Variants in PKNOX2 observed in about 807,000 individuals in gnomAD.
PKNOX2 encodes the protein PBX/knotted 1 homeobox 2.
PKNOX2 carries 14 observed loss-of-function variants against 53.1 expected under a neutral mutation model. That is an observed-to-expected ratio of 0.26 (90% confidence interval 0.17 to 0.41). The LOEUF (loss-of-function observed/expected upper bound fraction) is 0.41, where lower values mean the gene tolerates loss of function less well. PKNOX2 is among the 10% of genes least tolerant of loss of function. The pLI is 1.00. For synonymous variants in PKNOX2, 257 were observed against 242.8 expected (o/e 1.06, Z -0.54); for missense variants, 496 against 602.8 (o/e 0.82, Z 1.85).
At chr11:125,314,277 G>A (rs1189520285) in intron 2 of PKNOX2, among the ~76,000 whole-genome samples, 7 of 152,122 alleles carry the variant, frequency 4.6e-5, no homozygotes, top group South Asian at 2.1e-4. Flanking sequence ...CCTGCAGTGC[G>A]GTGCCCTCAC....
intron 7 of PKNOX2, among the ~76,000 whole-genome samples, chr11:125,404,395 C>T (rs1018766373): frequency 4.6e-5 from 7 of 152,208 alleles, no homozygotes; most frequent in African/African-American, 1.7e-4. Context: ...CTGCCTTTCC[C>T]TTGAGACCAA....
intron 2 of PKNOX2, among the ~76,000 whole-genome samples, chr11:125,329,019 G>T (rs1442812261): frequency 6.6e-6 from 1 of 152,176 alleles, no homozygotes; most frequent in Non-Finnish European, 1.5e-5. Flanking sequence ...CTAAGAAAAT[G>T]ATCAAGTCTG....
intron 2 of PKNOX2, among the ~76,000 whole-genome samples, chr11:125,274,280 C>T (rs1946012041): frequency 6.6e-6 from 1 of 152,146 alleles, no homozygotes; most frequent in South Asian, 2.1e-4. Flanking sequence ...CTAACCACTG[C>T]ACCACACATA....
intron 10 of PKNOX2, among the ~76,000 whole-genome samples, chr11:125,421,611 C>G (rs1956178268): frequency 6.6e-6 from 1 of 152,180 alleles, no homozygotes; most frequent in African/African-American, 2.4e-5. Flanking sequence ...ATAGGATTGA[C>G]AATATGTTAG....
At position 125,431,813 on chromosome 11, in the gene PKNOX2, G is replaced by T. The variant is rs969083485; in HGVS notation, c.*421G>T. 3 of 173,088 alleles carry T rather than the reference G, an allele frequency of 1.7e-5. No individual in the cohort carries two copies. Among genetic ancestry groups the T allele is most frequent in the Admixed American group, 1.7e-4 (3 of 17,826 alleles). 10.7% of individuals were successfully genotyped at this position (173,088 alleles called of 1,614,324 possible). On this transcript the variant is annotated 3_prime_UTR_variant, in exon 13 of 13. Coordinates refer to ENST00000298282, the MANE Select transcript of PKNOX2 (RefSeq NM_001382323.2). ...CCGGGGGCAGACTTAGAAGGAAGGG[G>T]AGAGACAAAGGGGGACTGAGTTTCA...
chr11:125,359,185 G>A (rs773109460), intron 4 of PKNOX2, among the ~76,000 whole-genome samples: 2 of 150,398 alleles, frequency 1.3e-5, no homozygotes, highest in African/African-American at 2.5e-5. Context: ...AAGGGTAGGT[G>A]TGAGGCGATA....
intron 2 of PKNOX2, among the ~76,000 whole-genome samples, chr11:125,286,254 A>G (rs1269495220): frequency 6.6e-6 from 1 of 152,204 alleles, no homozygotes; most frequent in Non-Finnish European, 1.5e-5. Context: ...AACTAAAGGA[A>G]ATAAGAGGGC....
rs372537810 is a variant in PKNOX2, at chr11:125,353,641, G to A, written c.87+2249G>A. 5.3e-5 allele frequency among the ~76,000 whole-genome samples: 8 copies of A among 152,318 alleles called. No individual in the cohort carries two copies. The East Asian group carries it at 1.3e-3, about 26-fold the overall frequency. On this transcript the variant is annotated intron_variant, in intron 4 of 12. Transcript: ENST00000298282. The stretch of plus-strand genomic sequence containing the variant: ...CGAAGGCTCTCCTCTCTGAGGATCC[G>A]CCAGAATGTCACCATTTAAAATCTT...
At chr11:125,415,100 A>G (rs553861437) in intron 10 of PKNOX2, among the ~76,000 whole-genome samples, 37 of 152,242 alleles carry the variant, frequency 2.4e-4, no homozygotes, top group East Asian at 9.6e-4. Context: ...AGGATCATAC[A>G]TTATATTCCT....
At chr11:125,427,539 G>A (rs1019667999) in intron 10 of PKNOX2, among the ~76,000 whole-genome samples, 4 of 152,082 alleles carry the variant, frequency 2.6e-5, no homozygotes, top group Non-Finnish European at 5.9e-5. Context: ...AAGAGTATTC[G>A]TACCTTTTAT....
chr11:125,321,336 C>T (rs925761459), intron 2 of PKNOX2, among the ~76,000 whole-genome samples: 2 of 152,146 alleles, frequency 1.3e-5, no homozygotes, highest in African/African-American at 4.8e-5. Context: ...ACCACAGATA[C>T]GAAAATTCAC....
intron 1 of PKNOX2, among the ~76,000 whole-genome samples, chr11:125,189,435 GT>G (rs1956689676): frequency 1.3e-5 from 1 of 79,600 alleles, no homozygotes; most frequent in African/African-American, 5.1e-5. Flanking sequence ...GTGTGTGTGT[GT>G]GTGTGTGTGT....
chr11:125,237,559 C>T (rs1048771660), intron 2 of PKNOX2, among the ~76,000 whole-genome samples: 1 of 152,186 alleles, frequency 6.6e-6, no homozygotes, highest in African/African-American at 2.4e-5. Flanking sequence ...AAAAGGAACC[C>T]TTCTTTGGGG....
chr11:125,200,185 G>C lies in PKNOX2; in HGVS notation c.-200-34860G>C, dbSNP rs1465680906. ...GGAGCAGGGACCAGAGGGCCCCACT[G>C]CCAAAGCATTTTGTTCTCCATGGTC... is the stretch of plus-strand genomic sequence containing the variant. On this transcript the variant is annotated intron_variant, in intron 1 of 12. Coordinates refer to ENST00000298282, the MANE Select transcript of PKNOX2 (RefSeq NM_001382323.2). Among the ~76,000 whole-genome samples the C allele has an allele frequency of 2.0e-5, 3 of 152,288 alleles. No homozygotes were observed. In the East Asian group the frequency reaches 5.8e-4, roughly 29 times the overall value.
chr11:125,318,094 A>C (rs963157761), intron 2 of PKNOX2, among the ~76,000 whole-genome samples: 1 of 152,120 alleles, frequency 6.6e-6, no homozygotes, highest in East Asian at 1.9e-4. Flanking sequence ...AACCTCTGCT[A>C]TCTTCCAACT....
At position 125,165,879 on chromosome 11, in the gene PKNOX2, C is replaced by T. The variant is rs1591465677; in HGVS notation, c.-201+1103C>T. Among the ~76,000 whole-genome samples, 1 of 152,322 alleles carries T rather than the reference C, an allele frequency of 6.6e-6. No homozygotes were observed. Among genetic ancestry groups the T allele is most frequent in the East Asian group, 1.9e-4 (1 of 5,184 alleles). On this transcript the variant is annotated intron_variant, in intron 1 of 12. Coordinates refer to ENST00000298282, the MANE Select transcript of PKNOX2 (RefSeq NM_001382323.2). The surrounding 1 kb of genome is among the most constrained non-coding windows in gnomAD (Gnocchi z 4.5). The stretch of plus-strand genomic sequence containing the variant: ...AATCTGCCGCTCAAAGTTTGCATTT[C>T]TTTCGGGTTAGGAGACGGGCTTTCC...
intron 1 of PKNOX2, among the ~76,000 whole-genome samples, chr11:125,203,209 C>A (rs1328841141): frequency 2.0e-5 from 3 of 152,150 alleles, no homozygotes; most frequent in Non-Finnish European, 4.4e-5. Context: ...CCTCAACCAG[C>A]TGGGTCCAAG....
At chr11:125,317,232 G>A (rs1266642282) in intron 2 of PKNOX2, among the ~76,000 whole-genome samples, 1 of 152,072 alleles carries the variant, frequency 6.6e-6, no homozygotes, top group Non-Finnish European at 1.5e-5. Flanking sequence ...CTGAAATCTT[G>A]AACCCCTCAA....
At chr11:125,204,047 G>A (rs1808861) in intron 1 of PKNOX2, among the ~76,000 whole-genome samples, 2 of 152,018 alleles carry the variant, frequency 1.3e-5, no homozygotes, top group Non-Finnish European at 2.9e-5. Flanking sequence ...CGTGTGGAGA[G>A]GGGGGAGGCA....
Sources: gnomAD v4.1 joint callset for allele counts (sites outside exome capture counted in the v4.1 genomes callset) on GRCh38, gnomAD v4.1.1 for gene constraint, Gnocchi (gnomAD v3.1) non-coding constraint, MANE v1.5 for transcripts, NCBI Gene and HGNC (gene_info 2026-07-23, HGNC 2026-07-21) for gene names.